The following EXOC4 variants were observed in gnomAD, a reference collection of about 807,000 sequenced individuals.
EXOC4 encodes exocyst complex component 4, also known as SEC8-like 1.
In EXOC4, 71 loss-of-function variants were observed where a neutral mutation model predicts 107.2. That is an observed-to-expected ratio of 0.66 (90% CI 0.55 to 0.81). The LOEUF is 0.81. Among genes scored for constraint, EXOC4 ranks in the 30% least tolerant of loss-of-function variants. EXOC4 has a pLI of 0.00. For missense variants in EXOC4, 1,108 were observed against 1,189.6 expected (o/e 0.93, Z 1.01); for synonymous variants, 456 against 441.2 (o/e 1.03, Z -0.42).
intron 17 of EXOC4, among the ~76,000 whole-genome samples, chr7:134,034,752 G>A (rs1317549789): frequency 6.6e-6 from 1 of 152,122 alleles, no homozygotes; most frequent in East Asian, 1.9e-4. Flanking sequence ...TATGAAAACG[G>A]ACTAATACAG....
chr7:133,459,225 T>A (rs554759788), intron 7 of EXOC4, among the ~76,000 whole-genome samples: 1 of 152,304 alleles, frequency 6.6e-6, no homozygotes, highest in East Asian at 1.9e-4. Flanking sequence ...GGTGTGAGCT[T>A]GTTACTGAAT....
chr7:134,058,126 G>C (rs1795972919), intron 17 of EXOC4, among the ~76,000 whole-genome samples: 1 of 152,120 alleles, frequency 6.6e-6, no homozygotes, highest in Non-Finnish European at 1.5e-5. Context: ...TGCTTCACTT[G>C]ACAACTTAGT....
chr7:133,549,235 G>A (rs1800542343), intron 9 of EXOC4, among the ~76,000 whole-genome samples: 1 of 152,100 alleles, frequency 6.6e-6, no homozygotes, highest in African/African-American at 2.4e-5. Flanking sequence ...CAAGTGATCT[G>A]CCCGCCTTGG....
In EXOC4 at chr7:133,966,437, A is replaced by G. The variant is rs950550918; in HGVS notation, c.2206+28368A>G. ...GAGGGAATGCTTCCAGCTTTTGCCTATTCAATATGATACTGGCTGTGAGTT... is the reference window on the plus strand; with the variant it reads ...GAGGGAATGCTTCCAGCTTTTGCCTGTTCAATATGATACTGGCTGTGAGTT... On this transcript the variant is annotated intron_variant, in intron 14 of 17. Coordinates refer to ENST00000253861, the MANE Select transcript of EXOC4 (RefSeq NM_021807.4). Among the ~76,000 whole-genome samples, 5 of 152,208 alleles carry G rather than the reference A, an allele frequency of 3.3e-5. No individual in the cohort carries two copies. The East Asian group carries it at 7.7e-4, about 23-fold the overall frequency.
chr7:133,500,388 A>G (rs1031364807), intron 9 of EXOC4, among the ~76,000 whole-genome samples: 1 of 152,216 alleles, frequency 6.6e-6, no homozygotes. Context: ...AACTGGAATC[A>G]TACAATAGAC....
At chr7:133,276,809 T>C (rs1197056651) in intron 2 of EXOC4, among the ~76,000 whole-genome samples, 5 of 152,154 alleles carry the variant, frequency 3.3e-5, no homozygotes, top group Admixed American at 2.6e-4. Flanking sequence ...ATTAGACTTA[T>C]ATTATGATTT....
At chr7:133,546,351 G>A (rs1800482383) in intron 9 of EXOC4, among the ~76,000 whole-genome samples, 1 of 151,048 alleles carries the variant, frequency 6.6e-6, no homozygotes, top group African/African-American at 2.4e-5. Flanking sequence ...TGCCTCCTGG[G>A]TTCAAGTGAT....
intron 1 of EXOC4, among the ~76,000 whole-genome samples, chr7:133,263,541 C>T (rs1793634786): frequency 6.6e-6 from 1 of 151,646 alleles, no homozygotes; most frequent in Non-Finnish European, 1.5e-5. Flanking sequence ...GCCACCATGC[C>T]CAGCTAGTTT....
intron 12 of EXOC4, among the ~76,000 whole-genome samples, chr7:133,908,979 C>T (rs1799628087): frequency 6.6e-6 from 1 of 152,118 alleles, no homozygotes; most frequent in Admixed American, 6.5e-5. Context: ...TAACGCTCTC[C>T]CTCCCCTAGC....
intron 9 of EXOC4, among the ~76,000 whole-genome samples, chr7:133,534,676 G>C (rs980674098): frequency 6.6e-6 from 1 of 152,138 alleles, no homozygotes; most frequent in Non-Finnish European, 1.5e-5. Flanking sequence ...TTACATCAAT[G>C]TTCAAAGTCA....
chr7:133,353,317 C>T (rs1335706625), intron 5 of EXOC4, among the ~76,000 whole-genome samples: 1 of 152,076 alleles, frequency 6.6e-6, no homozygotes, highest in East Asian at 1.9e-4. Flanking sequence ...CATGGCAGTC[C>T]TGATGGTACT....
chr7:134,020,956 A>G (rs1034521276), intron 17 of EXOC4, among the ~76,000 whole-genome samples: 7 of 151,522 alleles, frequency 4.6e-5, no homozygotes, highest in African/African-American at 1.7e-4. Flanking sequence ...ACTGCACTCC[A>G]GCCTGGGCGA....
intron 17 of EXOC4, among the ~76,000 whole-genome samples, chr7:134,060,179 T>C (rs778939206): frequency 2.6e-5 from 4 of 152,202 alleles, no homozygotes; most frequent in African/African-American, 4.8e-5. Context: ...TCCTCTTCTC[T>C]GTCACTCTAC....
intron 10 of EXOC4, among the ~76,000 whole-genome samples, chr7:133,796,552 GATCGAGACC>G (rs1796819397): frequency 6.6e-6 from 1 of 152,136 alleles, no homozygotes; most frequent in East Asian, 1.9e-4. Flanking sequence ...AAGGTCAAGA[GATCGAGACC>G]ATCCTGGCCA....
At chr7:133,810,858 C>G (rs912730134) in intron 10 of EXOC4, among the ~76,000 whole-genome samples, 1 of 152,038 alleles carries the variant, frequency 6.6e-6, no homozygotes, top group African/African-American at 2.4e-5. Flanking sequence ...TGGTCTCGAT[C>G]TCCTGACCTC....
At chr7:134,096,367 A>G in the EXOC4 span, among the ~76,000 whole-genome samples, 2 of 152,068 alleles carry the variant, frequency 1.3e-5, no homozygotes, top group Non-Finnish European at 2.9e-5. Flanking sequence ...GTTGAATGTG[A>G]TTTTCTTCTC....
intron 9 of EXOC4, among the ~76,000 whole-genome samples, chr7:133,580,265 C>T (rs1801224632): frequency 6.6e-6 from 1 of 152,178 alleles, no homozygotes; most frequent in African/African-American, 2.4e-5. Context: ...GGGTTGCTTT[C>T]AGCTTTTGGC....
chr7:133,976,446 C>T lies in EXOC4; in HGVS notation c.2207-21046C>T, dbSNP rs535644488. Among the ~76,000 whole-genome samples, 7 of 152,258 alleles carry T rather than the reference C, an allele frequency of 4.6e-5. No individual in the cohort carries two copies. In the South Asian group the frequency reaches 1.2e-3, roughly 27 times the overall value. The stretch of plus-strand genomic sequence containing the variant: ...TTGCTGAATTTGAGAAATTGTGGAG[C>T]ATGTAAAAGGTGACAGAATACCCAG... On this transcript the variant is annotated intron_variant, in intron 14 of 17. Transcript: ENST00000253861.
intron 5 of EXOC4, among the ~76,000 whole-genome samples, chr7:133,323,832 T>C (rs1264332991): frequency 1.3e-5 from 2 of 152,222 alleles, no homozygotes; most frequent in Admixed American, 1.3e-4. Flanking sequence ...TGTGAATCCA[T>C]CTGATCCTGG....
Sources: gnomAD v4.1 joint callset for allele counts (sites outside exome capture counted in the v4.1 genomes callset) on GRCh38, gnomAD v4.1.1 for gene constraint, MANE v1.5 for transcripts, NCBI Gene and HGNC (gene_info 2026-07-23, HGNC 2026-07-21) for gene names.